CARM1: variants seen among roughly 807,000 people sequenced by gnomAD.
CARM1 encodes coactivator associated arginine methyltransferase 1.
Under a neutral mutation model 72.7 loss-of-function variants are expected in CARM1, and 14 were observed. The observed-to-expected ratio is 0.19, with a 90% CI of 0.13 to 0.30. The LOEUF is 0.30. Among genes scored for constraint, CARM1 ranks in the 10% least tolerant of loss-of-function variants. The pLI is 1.00. For synonymous variants in CARM1, 333 were observed against 345.5 expected (o/e 0.96, Z 0.40); for missense variants, 432 against 833.7 (o/e 0.52, Z 5.93).
intron 1 of CARM1, among the ~76,000 whole-genome samples, chr19:10,877,258 C>T (rs938054370): frequency 6.6e-6 from 1 of 152,042 alleles, no homozygotes; most frequent in East Asian, 1.9e-4. Flanking sequence ...GCGGTGCCTG[C>T]GTGTGGCTAA....
chr19:10,885,125 C>A (rs909220131), intron 1 of CARM1, among the ~76,000 whole-genome samples: 1 of 152,220 alleles, frequency 6.6e-6, no homozygotes, highest in Admixed American at 6.5e-5. Context: ...AGACATGGAA[C>A]TTGTTCCCCT....
intron 3 of CARM1, among the ~76,000 whole-genome samples, 161 bp from the exon 4 acceptor site, chr19:10,908,942 C>G (rs2074124695): frequency 6.6e-6 from 1 of 152,192 alleles, no homozygotes; most frequent in Non-Finnish European, 1.5e-5. Flanking sequence ...GCTTCCTGCT[C>G]CCTCTCCTGG....
intron 8 of CARM1, among the ~76,000 whole-genome samples, chr19:10,918,475 G>T (rs528080137): frequency 1.3e-5 from 2 of 152,004 alleles, no homozygotes; most frequent in Non-Finnish European, 2.9e-5. Context: ...CGTCCGCCTC[G>T]GCCTCCCAAA....
At chr19:10,898,182 C>T (rs1338578311) in intron 1 of CARM1, among the ~76,000 whole-genome samples, 3 of 152,012 alleles carry the variant, frequency 2.0e-5, no homozygotes, top group Non-Finnish European at 4.4e-5. Context: ...TGGTGCATGC[C>T]TGTAATCCCA....
Position 10,920,626 on chromosome 19 carries a change from C to T in CARM1, c.1335-33C>T. 5 of 1,614,068 alleles carry T rather than the reference C, an allele frequency of 3.1e-6. No individual in the cohort carries two copies. The highest frequency in any genetic ancestry group is 4.2e-6 in the Non-Finnish European group (5 of 1,179,962). Reference sequence around the variant, plus strand: ...GGTGGGCAGGGGTCCATCTGCCCAGCAGCTCATGCCACGGCCTGCACCCTG... The same window carrying T: ...GGTGGGCAGGGGTCCATCTGCCCAGTAGCTCATGCCACGGCCTGCACCCTG... On this transcript the variant is annotated intron_variant, in intron 11 of 15. Coordinates refer to ENST00000327064, the MANE Select transcript of CARM1 (RefSeq NM_199141.2). This position sits in a 1 kb window ranked among gnomAD's most constrained non-coding sequence, Gnocchi z 5.3.
intron 1 of CARM1, among the ~76,000 whole-genome samples, chr19:10,890,249 T>C (rs2073971693): frequency 7.0e-6 from 1 of 143,526 alleles, no homozygotes; most frequent in Non-Finnish European, 1.6e-5. Flanking sequence ...TAGGTGGTTT[T>C]TTTGTTTTTT....
intron 1 of CARM1, among the ~76,000 whole-genome samples, chr19:10,875,626 G>T (rs532559585): frequency 3.3e-5 from 5 of 151,988 alleles, no homozygotes; most frequent in Non-Finnish European, 7.4e-5. Flanking sequence ...GGGTTTCACC[G>T]TGTTAGCCAG....
In CARM1 at chr19:10,909,057, C is replaced by G. The variant is rs758154856; in HGVS notation, c.454-46C>G. 4 of 1,471,546 alleles carry G rather than the reference C, an allele frequency of 2.7e-6. No homozygotes were observed. The Admixed American group carries it at 5.0e-5, about 19-fold the overall frequency. The allele number at this position is 1,471,546 out of a possible 1,614,324, so 91.2% of individuals were successfully genotyped here. A position where few individuals can be genotyped will look rare whatever the true frequency, so the allele number is the denominator to read the frequency against. On this transcript the variant is annotated intron_variant, in intron 3 of 15. Transcript: ENST00000327064. ...CAGGGCTGGCCAGGGCCTTGGCTGC[C>G]TCGTGCCACCATGTGCCCCGTGCCA...
intron 10 of CARM1, 23 bp downstream of exon 10, chr19:10,919,989 T>C (rs1475001615): frequency 6.3e-7 from 1 of 1,587,444 alleles, no homozygotes; most frequent in South Asian, 1.1e-5. Context: ...GAGCAGCCCA[T>C]GCTGCCTCCT....
rs2073816643 is a variant in CARM1 at position 10,871,631 on chromosome 19, G to GGCGGCA, written c.-67_-66insAGCGGC. On this transcript the variant is annotated 5_prime_UTR_variant, in exon 1 of 16. Coordinates refer to ENST00000327064, the MANE Select transcript of CARM1 (RefSeq NM_199141.2). This position sits in a 1 kb window ranked among gnomAD's most constrained non-coding sequence, Gnocchi z 5.6. Reference sequence around the variant, plus strand: ...CGGCGGCGGCGGCGGCGGCGGCGGCGGCGGCGGCAGCGGCGGCGGCCTGGG... The same window carrying GGCGGCA: ...CGGCGGCGGCGGCGGCGGCGGCGGCGGCGGCAGCGGCGGCAGCGGCGGCGGCCTGGG... 7.3e-6 allele frequency: 1 copy of GGCGGCA among 137,030 alleles called. No homozygotes were observed. Among genetic ancestry groups the GGCGGCA allele is most frequent in the Non-Finnish European group, 1.1e-5 (1 of 87,554 alleles). The allele number at this position is 137,030 out of a possible 1,614,324, so 8.5% of individuals were successfully genotyped here.
intron 9 of CARM1, 92 bp from the exon 10 acceptor site, chr19:10,919,785 G>C (rs760321865): frequency 6.7e-7 from 1 of 1,487,096 alleles, no homozygotes. Flanking sequence ...GATGGTGGGC[G>C]GGGGCCCCAG....
At chr19:10,892,051 C>T (rs1230256861) in intron 1 of CARM1, among the ~76,000 whole-genome samples, 2 of 152,228 alleles carry the variant, frequency 1.3e-5, no homozygotes, top group African/African-American at 4.8e-5. Context: ...ACCTGTGGTG[C>T]GTAGGTTTTA....
rs1011206452 is a variant in CARM1, at chr19:10,920,140, G to A, written c.1196+174G>A. Among the ~76,000 whole-genome samples the A allele has an allele frequency of 1.3e-4, 19 of 151,640 alleles. No individual in the cohort carries two copies. Among genetic ancestry groups the A allele is most frequent in the African/African-American group, 4.4e-4 (18 of 41,328 alleles). On this transcript the variant is annotated intron_variant, in intron 10 of 15. Transcript: ENST00000327064. This position sits in a 1 kb window ranked among gnomAD's most constrained non-coding sequence, Gnocchi z 5.3. ...GTGGGTGGGGTGTGTGTGTGTGTGT[G>A]TGTATGTGTGTGTGTGTCCTGTGTT...
At chr19:10,919,343 G>A (rs985330683) in intron 8 of CARM1, 2 of 487,958 alleles carry the variant, frequency 4.1e-6, no homozygotes, top group Non-Finnish European at 7.2e-6. Context: ...ATGTGTTCAT[G>A]TATCTGGAGG....
chr19:10,919,484 T>A, intron 8 of CARM1, 111 bp from the exon 9 acceptor site: 1 of 769,592 alleles, frequency 1.3e-6, no homozygotes, highest in Non-Finnish European at 2.2e-6. Flanking sequence ...CAAGCTCGTT[T>A]TAGCTGCACA....
chr19:10,919,969 G>A lies in CARM1; in HGVS notation c.1196+3G>A. On this transcript the variant is annotated splice_donor_region_variant and intron_variant, in intron 10 of 15. Transcript: ENST00000327064. The stretch of plus-strand genomic sequence containing the variant: ...GACGTTGCTTTCATCGGCTCCATGT[G>A]AGTGCCGCAGAGCAGCCCATGCTGC... The A allele has an allele frequency of 6.2e-7, 1 of 1,611,448 alleles. No individual in the cohort carries two copies.
chr19:10,919,899 C>T lies in CARM1; in HGVS notation c.1129C>T (p.His377Tyr). 1.2e-6 allele frequency: 2 copies of T among 1,614,142 alleles called. No individual in the cohort carries two copies. Among genetic ancestry groups the T allele is most frequent in the Non-Finnish European group, 1.7e-6 (2 of 1,179,952 alleles). The stretch of plus-strand genomic sequence containing the variant: ...CAGGATAGAAATCCCATTCAAATTC[C>T]ACATGCTGCATTCAGGGCTGGTCCA... ...LHRIEIPFKF[H>Y]MLHSGLVHGL... is the part of the protein sequence containing the mutation. The change falls in exon 10 of 16, where the codon CAC becomes TAC. Residue 377 changes from histidine (H) to tyrosine (Y), a missense_variant. By Grantham distance (83) the His-to-Tyr change is moderately conservative. Around this residue, in one of 3 missense-constraint regions of CARM1, gnomAD observed 152 missense variants for 452.8 expected, o/e 0.34. Coordinates refer to ENST00000327064, the MANE Select transcript of CARM1 (RefSeq NM_199141.2).
chr19:10,876,982 G>A (rs1359708950), intron 1 of CARM1, among the ~76,000 whole-genome samples: 1 of 152,238 alleles, frequency 6.6e-6, no homozygotes, highest in African/African-American at 2.4e-5. Context: ...GGCTCCGTCA[G>A]GGGCTAAACT....
rs912024360 is a variant in CARM1 at position 10,920,211 on chromosome 19, G to A, written c.1197-225G>A. On this transcript the variant is annotated intron_variant, in intron 10 of 15. Coordinates refer to ENST00000327064, the MANE Select transcript of CARM1 (RefSeq NM_199141.2). This position sits in a 1 kb window ranked among gnomAD's most constrained non-coding sequence, Gnocchi z 5.3. ...GGTCTGTGTCTGTCTCTTGGCACATGTCAGGGTGAGTAGGGATCTCGTGGT... is the reference window on the plus strand; with the variant it reads ...GGTCTGTGTCTGTCTCTTGGCACATATCAGGGTGAGTAGGGATCTCGTGGT... 2.0e-5 allele frequency among the ~76,000 whole-genome samples: 3 copies of A among 152,082 alleles called. No homozygotes were observed. The highest frequency in any genetic ancestry group is 2.0e-4 in the Admixed American group (3 of 15,268).
Sources: gnomAD v4.1 joint callset for allele counts (sites outside exome capture counted in the v4.1 genomes callset) on GRCh38, gnomAD v4.1.1 for gene constraint, gnomAD v4.1.1 regional missense constraint, Gnocchi (gnomAD v3.1) non-coding constraint, MANE v1.5 for transcripts, NCBI Gene and HGNC (gene_info 2026-07-23, HGNC 2026-07-21) for gene names.